The following BBX variants were observed in gnomAD, a reference collection of about 807,000 sequenced individuals.
The protein encoded by BBX is BBX high mobility group box domain containing.
BBX carries 30 observed loss-of-function variants against 100.2 expected under a neutral mutation model. The ratio of observed to expected loss-of-function variants is 0.30; its 90% CI spans 0.22 to 0.41. The LOEUF is 0.41. Ranked by LOEUF, BBX falls within the 10% of genes least tolerant of loss-of-function variation. The probability of loss-of-function intolerance (pLI) is 1.00; values close to 1 mark genes in which losing one functional copy is unlikely to be tolerated. For synonymous variants in BBX, 376 were observed against 388.1 expected, an observed-to-expected ratio of 0.97 and a Z score of 0.37; for missense variants, 1,023 against 1,129.8, an observed-to-expected ratio of 0.91 and a Z score of 1.35.
intron 13 of BBX, among the ~76,000 whole-genome samples, chr3:107,780,475 T>G (rs914154204): frequency 2.0e-5 from 3 of 152,062 alleles, no homozygotes; most frequent in African/African-American, 7.2e-5. Context: ...ACAGTATTTC[T>G]TTTGATGTGA....
intron 2 of BBX, among the ~76,000 whole-genome samples, chr3:107,597,360 G>A (rs2053733610): frequency 6.6e-6 from 1 of 152,078 alleles, no homozygotes; most frequent in Admixed American, 6.5e-5. Context: ...TTTTTAAAAA[G>A]TATCATTAGA....
At chr3:107,790,528 T>C (rs1292946608) in intron 14 of BBX, among the ~76,000 whole-genome samples, 2 of 152,204 alleles carry the variant, frequency 1.3e-5, no homozygotes, top group Admixed American at 6.5e-5. Flanking sequence ...TTTAAACCTC[T>C]TCAGGGCTCA....
rs145153526 is a variant in BBX at position 107,657,564 on chromosome 3, G to C, written c.-10+11655G>C. Among the ~76,000 whole-genome samples the C allele has an allele frequency of 2.0e-3, 301 of 152,204 alleles. 1 individual carries two copies. Among genetic ancestry groups the C allele is most frequent in the Middle Eastern group, 6.8e-3 (2 of 294 alleles). ...ATGTAGAGGGACAGAGAGGTTAGGA[G>C]GCAATGGAGGGTATTTAAAAGAAAG... On this transcript the variant is annotated intron_variant, in intron 3 of 17. Coordinates refer to ENST00000325805, the MANE Select transcript of BBX (RefSeq NM_001142568.3).
At chr3:107,745,713 C>T (rs2064527319) in intron 8 of BBX, among the ~76,000 whole-genome samples, 4 of 152,090 alleles carry the variant, frequency 2.6e-5, no homozygotes, top group African/African-American at 9.7e-5. Flanking sequence ...CTCAGCCCGT[C>T]AGAGTACTGG....
At chr3:107,557,950 C>T (rs2050200623) in intron 2 of BBX, among the ~76,000 whole-genome samples, 2 of 152,206 alleles carry the variant, frequency 1.3e-5, no homozygotes, top group South Asian at 4.1e-4. Context: ...GCTGGGTCAG[C>T]ATCACCTGGT....
Position 107,616,923 on chromosome 3 carries a change from A to G in BBX, c.-83-28913A>G, listed in dbSNP as rs531029263. The stretch of plus-strand genomic sequence containing the variant: ...GTCCAGATTACTAATTTTACCTTTT[A>G]TGGATCATGCTTCTGGTGTCAAGTC... On this transcript the variant is annotated intron_variant, in intron 2 of 17. Coordinates refer to ENST00000325805, the MANE Select transcript of BBX (RefSeq NM_001142568.3). 1.0e-3 allele frequency among the ~76,000 whole-genome samples: 159 copies of G among 152,234 alleles called. 1 individual carries two copies. The highest frequency in any genetic ancestry group is 3.7e-3 in the African/African-American group (153 of 41,514).
intron 3 of BBX, among the ~76,000 whole-genome samples, chr3:107,704,979 G>C (rs911817096): frequency 2.0e-5 from 3 of 152,084 alleles, no homozygotes; most frequent in African/African-American, 4.8e-5. Context: ...AAGGAGAAAG[G>C]CTTCAAATTT....
At chr3:107,660,505 T>TAAAAA (rs34604623) in intron 3 of BBX, among the ~76,000 whole-genome samples, 2 of 101,288 alleles carry the variant, frequency 2.0e-5, no homozygotes, top group African/African-American at 3.6e-5. Flanking sequence ...CAAAAAGCAT[T>TAAAAA]AAAAAAAAAA....
intron 3 of BBX, among the ~76,000 whole-genome samples, chr3:107,665,034 C>T (rs1169260338): frequency 6.6e-6 from 1 of 152,026 alleles, no homozygotes; most frequent in African/African-American, 2.4e-5. Context: ...ATGGGTACTT[C>T]GTGTTTTATA....
intron 10 of BBX, among the ~76,000 whole-genome samples, chr3:107,765,264 C>T (rs77982271): frequency 0.022 from 3,408 of 152,276 alleles, 122 homozygotes; most frequent in African/African-American, 0.075. Flanking sequence ...GCATGTGCAA[C>T]TCATTGAACC....
intron 2 of BBX, among the ~76,000 whole-genome samples, chr3:107,607,608 T>C (rs1034914049): frequency 4.6e-5 from 7 of 152,204 alleles, no homozygotes; most frequent in Non-Finnish European, 4.4e-5. Context: ...GTGGTAGCTC[T>C]ATTTTTAGTT....
intron 3 of BBX, chr3:107,662,005 T>C (rs1323010145): frequency 1.4e-6 from 1 of 695,424 alleles, no homozygotes; most frequent in Non-Finnish European, 1.8e-6. Context: ...GTGGTCCTTT[T>C]GGGGAAGAAG....
chr3:107,810,972 A>G lies in BBX; in HGVS notation c.*5515A>G, dbSNP rs915475306. 4 of 151,860 alleles carry G rather than the reference A, an allele frequency of 2.6e-5. No individual in the cohort carries two copies. The highest frequency in any genetic ancestry group is 5.9e-5 in the Non-Finnish European group (4 of 68,002). The allele number at this position is 151,860 out of a possible 1,614,324, so 9.4% of individuals were successfully genotyped here. A position where few individuals can be genotyped will look rare whatever the true frequency, so the allele number is the denominator to read the frequency against. Reference sequence around the variant, plus strand: ...TCTTTAGAGTTGGTGTAAACATGCCATGTAATAAATGATTTCCACTTAATG... The same window carrying G: ...TCTTTAGAGTTGGTGTAAACATGCCGTGTAATAAATGATTTCCACTTAATG... On this transcript the variant is annotated 3_prime_UTR_variant, in exon 18 of 18. Coordinates refer to ENST00000325805, the MANE Select transcript of BBX (RefSeq NM_001142568.3).
chr3:107,611,286 G>A (rs1449972299), intron 2 of BBX, among the ~76,000 whole-genome samples: 1 of 151,976 alleles, frequency 6.6e-6, no homozygotes, highest in Non-Finnish European at 1.5e-5. Flanking sequence ...CACAATTACG[G>A]TATTATAATA....
intron 9 of BBX, among the ~76,000 whole-genome samples, chr3:107,752,659 C>T (rs925468027): frequency 3.3e-5 from 5 of 152,138 alleles, no homozygotes; most frequent in Non-Finnish European, 5.9e-5. Flanking sequence ...TACTGTTGCA[C>T]CCACCCTGTA....
At chr3:107,679,465 G>A (rs1026207873) in intron 3 of BBX, among the ~76,000 whole-genome samples, 1 of 152,072 alleles carries the variant, frequency 6.6e-6, no homozygotes, top group Non-Finnish European at 1.5e-5. Flanking sequence ...TTTCCCAGCA[G>A]CAGAGCCATT....
chr3:107,758,236 G>A (rs368984351), intron 10 of BBX, among the ~76,000 whole-genome samples: 4 of 152,110 alleles, frequency 2.6e-5, no homozygotes, highest in Admixed American at 2.6e-4. Context: ...TTCTTCTTTG[G>A]CAAGAAACAA....
intron 5 of BBX, among the ~76,000 whole-genome samples, chr3:107,722,766 A>G (rs966605342): frequency 6.6e-6 from 1 of 152,142 alleles, no homozygotes; most frequent in East Asian, 1.9e-4. Flanking sequence ...TCTGTTAAAA[A>G]CAGCTAGCAA....
At chr3:107,526,686 G>A (rs595176) in intron 2 of BBX, 24,064 of 217,864 alleles carry the variant, frequency 0.11, 1,464 homozygotes, top group Non-Finnish European at 0.12. Flanking sequence ...AATTTTACAT[G>A]GCATTGAAGG....
Sources: gnomAD v4.1 joint callset for allele counts (sites outside exome capture counted in the v4.1 genomes callset) on GRCh38, gnomAD v4.1.1 for gene constraint, MANE v1.5 for transcripts, NCBI Gene and HGNC (gene_info 2026-07-23, HGNC 2026-07-21) for gene names.